LPP: variants seen among roughly 807,000 people sequenced by gnomAD.
LPP encodes lipoma-preferred partner.
Under a neutral mutation model 60.4 loss-of-function variants are expected in LPP, and 38 were observed. That is an observed-to-expected ratio of 0.63 (90% CI 0.49 to 0.83). The LOEUF is 0.83. Among genes scored for constraint, LPP ranks in the 40% least tolerant of loss-of-function variants. The pLI, the probability that LPP is intolerant of heterozygous loss-of-function variation, is 0.00. For missense variants in LPP, 902 were observed against 783.6 expected (o/e 1.15, Z -1.80); for synonymous variants, 328 against 290.8 (o/e 1.13, Z -1.30).
intron 9 of LPP, among the ~76,000 whole-genome samples, chr3:188,805,907 CT>C (rs1748988155): frequency 6.6e-6 from 1 of 151,186 alleles, no homozygotes; most frequent in Non-Finnish European, 1.5e-5. Flanking sequence ...CTGTTATTGT[CT>C]TTTAGTTTAT....
intron 3 of LPP, among the ~76,000 whole-genome samples, chr3:188,384,330 A>ATGTGTGTGTGTGTGTG (rs61561622): frequency 5.2e-4 from 77 of 148,908 alleles, no homozygotes; most frequent in African/African-American, 1.8e-3. Context: ...ATGTATGTGC[A>ATGTGTGTGTGTGTGTG]TGTGTGTGTG....
At chr3:188,724,904 A>G (rs1179310262) in intron 8 of LPP, among the ~76,000 whole-genome samples, 2 of 152,358 alleles carry the variant, frequency 1.3e-5, no homozygotes, top group Admixed American at 6.5e-5. Context: ...TGATTTTGAA[A>G]ATAAAGTCAC....
intron 2 of LPP, among the ~76,000 whole-genome samples, chr3:188,245,188 C>T (rs1472279588): frequency 6.6e-6 from 1 of 152,020 alleles, no homozygotes; most frequent in Admixed American, 6.6e-5. Context: ...TCTTGGCTCA[C>T]TGCAACCTCT....
At chr3:188,438,070 A>G (rs760028124) in intron 4 of LPP, among the ~76,000 whole-genome samples, 54 of 152,252 alleles carry the variant, frequency 3.5e-4, no homozygotes, top group Non-Finnish European at 4.7e-4. Flanking sequence ...GGCAATGGAG[A>G]TAAATCAGTT....
At chr3:188,159,660 T>TG (rs550649737) in intron 1 of LPP, among the ~76,000 whole-genome samples, 6 of 152,102 alleles carry the variant, frequency 3.9e-5, no homozygotes, top group African/African-American at 1.4e-4. Flanking sequence ...ATAGCAATCA[T>TG]GGGGGAGCGG....
chr3:188,546,404 G>A (rs1826659188), intron 6 of LPP, among the ~76,000 whole-genome samples: 1 of 150,200 alleles, frequency 6.7e-6, no homozygotes, highest in African/African-American at 2.5e-5. Flanking sequence ...AGACTGGATA[G>A]GGAGGAAACA....
chr3:188,541,633 A>G (rs1241262873), intron 6 of LPP, among the ~76,000 whole-genome samples: 1 of 151,686 alleles, frequency 6.6e-6, no homozygotes, highest in African/African-American at 2.4e-5. Flanking sequence ...GATATTAAAT[A>G]TGCCTGTAAT....
chr3:188,850,348 C>T (rs1357147833), intron 9 of LPP, among the ~76,000 whole-genome samples: 3 of 152,286 alleles, frequency 2.0e-5, no homozygotes, highest in African/African-American at 7.2e-5. Context: ...CATCTTTCAA[C>T]ACTAGCAAAA....
At chr3:188,554,533 C>A (rs1829002164) in intron 6 of LPP, among the ~76,000 whole-genome samples, 1 of 152,184 alleles carries the variant, frequency 6.6e-6, no homozygotes, top group Non-Finnish European at 1.5e-5. Flanking sequence ...AGGTTTGCAG[C>A]AGATCAGTGG....
In LPP at chr3:188,610,729, T is replaced by C. The variant is rs1843531051; in HGVS notation, c.1113+885T>C. 1.3e-5 allele frequency among the ~76,000 whole-genome samples: 2 copies of C among 152,192 alleles called. No individual in the cohort carries two copies. The highest frequency in any genetic ancestry group is 1.3e-4 in the Admixed American group (2 of 15,274). ...CACCACAACTTGGATTTTTCATTAGTACTGGAACCAACACGATGTTGATTC... is the reference window on the plus strand; with the variant it reads ...CACCACAACTTGGATTTTTCATTAGCACTGGAACCAACACGATGTTGATTC... On this transcript the variant is annotated intron_variant, in intron 7 of 11. Transcript: ENST00000617246. This position sits in a 1 kb window ranked among gnomAD's most constrained non-coding sequence, Gnocchi z 4.4.
At chr3:188,393,811 A>G (rs1780270584) in intron 3 of LPP, among the ~76,000 whole-genome samples, 1 of 152,202 alleles carries the variant, frequency 6.6e-6, no homozygotes, top group Non-Finnish European at 1.5e-5. Context: ...GAATATATAG[A>G]TAAAGTAGAT....
intron 2 of LPP, among the ~76,000 whole-genome samples, chr3:188,270,955 C>T (rs556789683): frequency 6.6e-6 from 1 of 152,294 alleles, no homozygotes; most frequent in African/African-American, 2.4e-5. Flanking sequence ...TAATCAATGG[C>T]AAAGTAGCAG....
In LPP at chr3:188,352,483, C is replaced by T. The variant is rs1015070916; in HGVS notation, c.-10+10764C>T. ...CTTCGGGAGCTGTGTGACTGGCGAG[C>T]CCTCAGTTGCCACTTGGAAACGGTT... On this transcript the variant is annotated intron_variant, in intron 3 of 11. Coordinates refer to ENST00000617246, the MANE Select transcript of LPP (RefSeq NM_001375462.1). This position sits in a 1 kb window ranked among gnomAD's most constrained non-coding sequence, Gnocchi z 4.4. Among the ~76,000 whole-genome samples the T allele has an allele frequency of 6.6e-5, 10 of 152,264 alleles. No homozygotes were observed. Among genetic ancestry groups the T allele is most frequent in the African/African-American group, 2.4e-4 (10 of 41,554 alleles).
chr3:188,670,137 A>G (rs765727385), intron 7 of LPP, among the ~76,000 whole-genome samples: 1 of 152,216 alleles, frequency 6.6e-6, no homozygotes, highest in Non-Finnish European at 1.5e-5. Flanking sequence ...TAGCATTAGG[A>G]GAAATACCTA....
At chr3:188,394,576 G>GTGTGTGTGTC (rs1780457449) in intron 3 of LPP, among the ~76,000 whole-genome samples, 1 of 151,584 alleles carries the variant, frequency 6.6e-6, no homozygotes, top group South Asian at 2.1e-4. Flanking sequence ...GTGTGTGTGT[G>GTGTGTGTGTC]TGTGTGTATG....
At chr3:188,603,952 A>C (rs2151266109) in intron 6 of LPP, among the ~76,000 whole-genome samples, 1 of 152,308 alleles carries the variant, frequency 6.6e-6, no homozygotes, top group African/African-American at 2.4e-5. Context: ...TTAAATCTTA[A>C]GCAGTTTCCC....
At chr3:188,721,378 C>G (rs1716307608) in intron 8 of LPP, among the ~76,000 whole-genome samples, 1 of 151,910 alleles carries the variant, frequency 6.6e-6, no homozygotes. Flanking sequence ...GAGTGAGACC[C>G]CCATCTCTAC....
intron 7 of LPP, among the ~76,000 whole-genome samples, chr3:188,696,947 T>C (rs1863372596): frequency 6.6e-6 from 1 of 152,246 alleles, no homozygotes. Flanking sequence ...TATAGTTTGC[T>C]ACACTGCTCG....
chr3:188,827,878 T>C (rs1351530496), intron 9 of LPP, among the ~76,000 whole-genome samples: 4 of 152,292 alleles, frequency 2.6e-5, no homozygotes, highest in African/African-American at 9.6e-5. Context: ...CCACCTGCCT[T>C]TCAGTTTTTC....
Sources: allele counts gnomAD v4.1 joint callset (sites outside exome capture counted in the v4.1 genomes callset), GRCh38; gene constraint gnomAD v4.1.1; non-coding constraint Gnocchi (gnomAD v3.1); transcripts MANE v1.5; gene names NCBI Gene and HGNC (gene_info 2026-07-23, HGNC 2026-07-21).